LCLAT1: variants seen among roughly 807,000 people sequenced by gnomAD.
The protein encoded by LCLAT1 is 1-AGP acyltransferase 8.
A neutral mutation model predicts 30.7 loss-of-function variants in LCLAT1; 11 were observed. That is an observed-to-expected ratio of 0.36 (90% CI 0.23 to 0.59). The LOEUF is 0.59. LCLAT1 is among the 20% of genes least tolerant of loss of function. The probability of loss-of-function intolerance (pLI) is 0.77; values close to 1 mark genes in which losing one functional copy is unlikely to be tolerated. For missense variants in LCLAT1, 402 were observed against 458.6 expected, an observed-to-expected ratio of 0.88 and a Z score of 1.13; for synonymous variants, 155 against 151.3, an observed-to-expected ratio of 1.02 and a Z score of -0.18.
At chr2:30,557,883 T>C (rs1452687460) in intron 3 of LCLAT1, among the ~76,000 whole-genome samples, 1 of 152,254 alleles carries the variant, frequency 6.6e-6, no homozygotes, top group Non-Finnish European at 1.5e-5. Context: ...TTAAAATGTT[T>C]TATTTAAATT....
intron 2 of LCLAT1, among the ~76,000 whole-genome samples, chr2:30,527,794 C>A (rs829620): frequency 0.71 from 108,504 of 151,994 alleles, 40,258 homozygotes; most frequent in East Asian, 0.87. Context: ...TGGTAAGTAC[C>A]CGGTAAATAT....
intron 4 of LCLAT1, 88 bp downstream of exon 4, chr2:30,562,380 T>A (rs940533761): frequency 1.3e-5 from 14 of 1,062,002 alleles, no homozygotes; most frequent in Admixed American, 4.5e-5. Context: ...CCAACAAGAA[T>A]AATGGCTCTT....
chr2:30,598,009 TAA>T (rs1667005559), intron 5 of LCLAT1, among the ~76,000 whole-genome samples: 1 of 152,190 alleles, frequency 6.6e-6, no homozygotes, highest in Non-Finnish European at 1.5e-5. Context: ...TCATGGTGTA[TAA>T]GTTTTTTGAT....
At chr2:30,488,845 T>C (rs1186339932) in intron 1 of LCLAT1, among the ~76,000 whole-genome samples, 1 of 152,204 alleles carries the variant, frequency 6.6e-6, no homozygotes, top group Non-Finnish European at 1.5e-5. Flanking sequence ...CATTACTATA[T>C]TTCCATAAGG....
intron 1 of LCLAT1, among the ~76,000 whole-genome samples, chr2:30,480,303 A>C (rs1438391296): frequency 6.6e-6 from 1 of 151,922 alleles, no homozygotes; most frequent in Non-Finnish European, 1.5e-5. Context: ...CTGTCCTCCC[A>C]CCTCAGCCTC....
At chr2:30,490,825 C>T (rs1368317363) in intron 1 of LCLAT1, among the ~76,000 whole-genome samples, 1 of 152,152 alleles carries the variant, frequency 6.6e-6, no homozygotes, top group Non-Finnish European at 1.5e-5. Context: ...TCCAACATGG[C>T]ATCTACTAGA....
At position 30,590,666 on chromosome 2, in the gene LCLAT1, C is replaced by A. The variant is rs978089082; in HGVS notation, c.628+22490C>A. The stretch of plus-strand genomic sequence containing the variant: ...CATTAAAACAGATCATCTTATGTTT[C>A]ACTGTTTGAAACTCAGTAAGAGTTT... On this transcript the variant is annotated intron_variant, in intron 5 of 5. Transcript: ENST00000379509. Among the ~76,000 whole-genome samples, 13 of 151,756 alleles carry A rather than the reference C, an allele frequency of 8.6e-5. No individual in the cohort carries two copies. In the East Asian group the frequency reaches 1.4e-3, roughly 16 times the overall value.
chr2:30,506,847 T>A (rs974622699), intron 1 of LCLAT1, among the ~76,000 whole-genome samples: 12 of 152,144 alleles, frequency 7.9e-5, no homozygotes, highest in Admixed American at 7.2e-4. Context: ...TCCATAGATT[T>A]AAAAGAAATT....
At chr2:30,527,418 A>G (rs1685770809) in intron 2 of LCLAT1, among the ~76,000 whole-genome samples, 1 of 152,214 alleles carries the variant, frequency 6.6e-6, no homozygotes, top group African/African-American at 2.4e-5. Flanking sequence ...ATAGTATATA[A>G]TCCTTTAATT....
chr2:30,458,535 A>T (rs191637951), intron 1 of LCLAT1, among the ~76,000 whole-genome samples: 1 of 152,314 alleles, frequency 6.6e-6, no homozygotes, highest in Admixed American at 6.5e-5. Flanking sequence ...TGATTGAGGA[A>T]GAGGGAGGAA....
chr2:30,537,315 A>G (rs1686295250), intron 3 of LCLAT1, among the ~76,000 whole-genome samples: 1 of 151,770 alleles, frequency 6.6e-6, no homozygotes, highest in Admixed American at 6.6e-5. Context: ...TGGGAAGCGG[A>G]GCTTGCAGTG....
chr2:30,449,046 T>G (rs549509650), intron 1 of LCLAT1, among the ~76,000 whole-genome samples: 1 of 152,212 alleles, frequency 6.6e-6, no homozygotes, highest in Non-Finnish European at 1.5e-5. Context: ...TCATCTAGCA[T>G]CACTGTGAGG....
intron 5 of LCLAT1, among the ~76,000 whole-genome samples, chr2:30,618,857 T>C (rs1340242440): frequency 6.6e-6 from 1 of 152,202 alleles, no homozygotes; most frequent in Non-Finnish European, 1.5e-5. Flanking sequence ...TACATCATAG[T>C]TTGTGAATAA....
chr2:30,555,203 A>G (rs1367507789), intron 3 of LCLAT1, among the ~76,000 whole-genome samples: 3 of 152,222 alleles, frequency 2.0e-5, no homozygotes, highest in Admixed American at 6.5e-5. Flanking sequence ...AGAAAACTAT[A>G]GAAAATAGCT....
intron 1 of LCLAT1, among the ~76,000 whole-genome samples, chr2:30,512,995 G>C (rs1685013233): frequency 6.6e-6 from 1 of 152,052 alleles, no homozygotes; most frequent in East Asian, 1.9e-4. Context: ...GACAAGTACT[G>C]CCTTATTACT....
intron 5 of LCLAT1, among the ~76,000 whole-genome samples, chr2:30,616,565 C>G (rs56057763): frequency 0.15 from 22,079 of 152,112 alleles, 2,212 homozygotes; most frequent in Non-Finnish European, 0.22. Flanking sequence ...CTATTTGTAA[C>G]TGCTTCAGAA....
rs1196698217 is a variant in LCLAT1, at chr2:30,640,567, G to A, written c.1079G>A (p.Cys360Tyr). 6.2e-7 allele frequency: 1 copy of A among 1,612,724 alleles called. No homozygotes were observed. The highest frequency in any genetic ancestry group is 8.5e-7 in the Non-Finnish European group (1 of 1,179,642). The change falls in exon 6 of 6, where the codon TGT becomes TAT. Residue 360 changes from cysteine (C) to tyrosine (Y), a missense_variant. Transcript: ENST00000379509. The stretch of plus-strand genomic sequence containing the variant: ...GGACTGGAGATCATAGAACTTGCAT[G>A]TTACCGACTTTTACACAAACAGCCA... ...FGGLEIIELA[C>Y]YRLLHKQPHL...
chr2:30,566,998 G>A (rs920342197), intron 4 of LCLAT1, among the ~76,000 whole-genome samples: 4 of 152,148 alleles, frequency 2.6e-5, no homozygotes, highest in African/African-American at 7.2e-5. Context: ...GCCTGAGCAA[G>A]GCAGATATTT....
intron 4 of LCLAT1, among the ~76,000 whole-genome samples, chr2:30,563,738 A>C (rs1665346757): frequency 6.6e-6 from 1 of 152,230 alleles, no homozygotes; most frequent in Non-Finnish European, 1.5e-5. Flanking sequence ...GCACATAATA[A>C]TTTATGGAAC....
Sources: allele counts gnomAD v4.1 joint callset (sites outside exome capture counted in the v4.1 genomes callset), GRCh38; gene constraint gnomAD v4.1.1; transcripts MANE v1.5; gene names NCBI Gene and HGNC (gene_info 2026-07-23, HGNC 2026-07-21).